Variants in TRAPPC9 observed in about 807,000 individuals in gnomAD.
The protein encoded by TRAPPC9 is trafficking protein particle complex subunit 9, also known as IKK2 binding protein.
In TRAPPC9, 83 loss-of-function variants were observed where a neutral mutation model predicts 124.0. That is an observed-to-expected ratio of 0.67 (90% CI 0.56 to 0.80). TRAPPC9 has a LOEUF of 0.80. Among genes scored for constraint, TRAPPC9 ranks in the 30% least tolerant of loss-of-function variants. TRAPPC9 has a pLI of 0.00. For missense variants in TRAPPC9, 1,302 were observed against 1,508.3 expected, an observed-to-expected ratio of 0.86 and a Z score of 2.27; for synonymous variants, 638 against 617.5, an observed-to-expected ratio of 1.03 and a Z score of -0.49.
At chr8:140,206,059 A>C (rs2062909180) in intron 17 of TRAPPC9, among the ~76,000 whole-genome samples, 1 of 152,220 alleles carries the variant, frequency 6.6e-6, no homozygotes, top group African/African-American at 2.4e-5. Context: ...CATCATGACC[A>C]GGTAAGGTTT....
At chr8:140,352,019 C>T (rs2067598331) in intron 9 of TRAPPC9, among the ~76,000 whole-genome samples, 1 of 152,160 alleles carries the variant, frequency 6.6e-6, no homozygotes. Context: ...TAGCCATCGC[C>T]CCCACAAAGT....
intron 21 of TRAPPC9, among the ~76,000 whole-genome samples, chr8:139,805,979 C>G (rs1228349627): frequency 6.6e-6 from 1 of 152,194 alleles, no homozygotes; most frequent in South Asian, 2.1e-4. Context: ...CAGGGGTGTG[C>G]GCGGAGCACG....
chr8:140,373,612 G>C (rs1300622408), intron 7 of TRAPPC9, among the ~76,000 whole-genome samples: 1 of 151,596 alleles, frequency 6.6e-6, no homozygotes, highest in Admixed American at 6.6e-5. Flanking sequence ...CGACGCCGAC[G>C]ATGTGTGAGA....
In TRAPPC9 at chr8:140,003,681, CTT is replaced by C. The variant is rs1838557191; in HGVS notation, c.2700-14847_2700-14846del. 2.0e-5 allele frequency among the ~76,000 whole-genome samples: 3 copies of C among 150,892 alleles called. No individual in the cohort carries two copies. The South Asian group carries it at 6.3e-4, about 32-fold the overall frequency. On this transcript the variant is annotated intron_variant, in intron 18 of 22. Coordinates refer to ENST00000438773, the MANE Select transcript of TRAPPC9 (RefSeq NM_001160372.4). ...ATGCCTATTAAAATGGGTAGAAAATCTTTTGAAAACTGACAATACCACATGCT... is the reference window on the plus strand; with the variant it reads ...ATGCCTATTAAAATGGGTAGAAAATCTTGAAAACTGACAATACCACATGCT...
chr8:140,425,694 T>C (rs539198331), intron 5 of TRAPPC9, among the ~76,000 whole-genome samples: 139 of 152,074 alleles, frequency 9.1e-4, no homozygotes, highest in African/African-American at 3.2e-3. Flanking sequence ...CAAATACCAG[T>C]ACATTCAACA....
chr8:140,036,508 TA>T (rs1840895420), intron 17 of TRAPPC9, among the ~76,000 whole-genome samples: 1 of 152,128 alleles, frequency 6.6e-6, no homozygotes, highest in Non-Finnish European at 1.5e-5. Flanking sequence ...AAGAATGCAC[TA>T]CCAGTTTACT....
At chr8:139,965,097 A>G (rs7824419) in intron 19 of TRAPPC9, among the ~76,000 whole-genome samples, 2,929 of 133,304 alleles carry the variant, frequency 0.022, 92 homozygotes, top group African/African-American at 0.069. Context: ...TTCGTCCCTC[A>G]GCAGGGGGTC....
chr8:139,732,258 C>A (rs1164574762), intron 21 of TRAPPC9, 56 bp from the exon 22 acceptor site: 1 of 1,452,574 alleles, frequency 6.9e-7, no homozygotes, highest in African/African-American at 1.4e-5. Flanking sequence ...CCCAGCCGGC[C>A]TACCCCACCC....
At chr8:140,078,027 A>G (rs1843610102) in intron 17 of TRAPPC9, among the ~76,000 whole-genome samples, 1 of 152,236 alleles carries the variant, frequency 6.6e-6, no homozygotes, top group Non-Finnish European at 1.5e-5. Flanking sequence ...TAACACTAGT[A>G]GAAACACTGC....
intron 20 of TRAPPC9, among the ~76,000 whole-genome samples, chr8:139,899,120 C>CAAAA (rs33927933): frequency 8.7e-4 from 39 of 44,922 alleles, no homozygotes; most frequent in East Asian, 2.4e-3. Context: ...AACTCCGTCT[C>CAAAA]AAAAAAAAAA....
intron 19 of TRAPPC9, among the ~76,000 whole-genome samples, chr8:139,955,297 C>G (rs926690751): frequency 6.6e-6 from 1 of 152,026 alleles, no homozygotes; most frequent in African/African-American, 2.4e-5. Context: ...TCACTGGGTT[C>G]TTGAGGTTCA....
intron 21 of TRAPPC9, among the ~76,000 whole-genome samples, chr8:139,873,154 G>A (rs1829112509): frequency 6.6e-6 from 1 of 152,072 alleles, no homozygotes; most frequent in South Asian, 2.1e-4. Context: ...ATGGATGCTT[G>A]GAGGATAAAA....
At chr8:140,425,592 T>C (rs1256905161) in intron 5 of TRAPPC9, among the ~76,000 whole-genome samples, 1 of 152,030 alleles carries the variant, frequency 6.6e-6, no homozygotes, top group African/African-American at 2.4e-5. Context: ...ACACATCTAA[T>C]TCTCCTACAA....
intron 21 of TRAPPC9, among the ~76,000 whole-genome samples, chr8:139,872,731 GAT>G (rs1829036764): frequency 6.5e-4 from 1 of 1,546 alleles, no homozygotes; most frequent in Non-Finnish European, 1.2e-3. Flanking sequence ...TGGGTGGGTG[GAT>G]GGATGGATGG....
At chr8:140,185,696 G>A (rs1284352659) in intron 17 of TRAPPC9, among the ~76,000 whole-genome samples, 7 of 152,224 alleles carry the variant, frequency 4.6e-5, no homozygotes, top group African/African-American at 9.6e-5. Context: ...AGCGAGGGGC[G>A]GGGACTGTGT....
chr8:139,823,781 C>T lies in TRAPPC9; in HGVS notation c.3055+62098G>A, dbSNP rs549606143. Among the ~76,000 whole-genome samples, 13 of 152,242 alleles carry T rather than the reference C, an allele frequency of 8.5e-5. 1 individual carries two copies. The South Asian group carries it at 1.9e-3, about 22-fold the overall frequency. The stretch of plus-strand genomic sequence containing the variant: ...TCCCTGGGGCCTGCAGAGGCAACTG[C>T]GCTGCCACAAAGAGAGGCCTGATGG... On this transcript the variant is annotated intron_variant, in intron 21 of 22. Transcript: ENST00000438773.
At chr8:140,140,512 C>T (rs1222720118) in intron 17 of TRAPPC9, among the ~76,000 whole-genome samples, 2 of 152,104 alleles carry the variant, frequency 1.3e-5, no homozygotes, top group Admixed American at 6.6e-5. Context: ...ACAAGAGCAT[C>T]GAAGTGTCTC....
chr8:139,929,943 T>C (rs926689504), intron 19 of TRAPPC9, among the ~76,000 whole-genome samples: 11 of 152,238 alleles, frequency 7.2e-5, no homozygotes, highest in African/African-American at 2.7e-4. Context: ...AAGCACCACC[T>C]TGTAGGTGCA....
In TRAPPC9 at chr8:139,825,829, G is replaced by A. The variant is rs1240782737; in HGVS notation, c.3055+60050C>T. On this transcript the variant is annotated intron_variant, in intron 21 of 22. Transcript: ENST00000438773. This position sits in a 1 kb window ranked among gnomAD's most constrained non-coding sequence, Gnocchi z 4.6. Reference sequence around the variant, plus strand: ...ACGATGGCCGGAGCTGAGTGTCAACGCCCAAGGATTTCCAGGGCTTCCTCA... The same window carrying A: ...ACGATGGCCGGAGCTGAGTGTCAACACCCAAGGATTTCCAGGGCTTCCTCA... 6.6e-6 allele frequency among the ~76,000 whole-genome samples: 1 copy of A among 151,954 alleles called. No individual in the cohort carries two copies. The highest frequency in any genetic ancestry group is 2.1e-4 in the South Asian group (1 of 4,796).
Sources: gnomAD v4.1 joint callset for allele counts (sites outside exome capture counted in the v4.1 genomes callset) on GRCh38, gnomAD v4.1.1 for gene constraint, Gnocchi (gnomAD v3.1) non-coding constraint, MANE v1.5 for transcripts, NCBI Gene and HGNC (gene_info 2026-07-23, HGNC 2026-07-21) for gene names.